SEPHS1: variants seen among roughly 807,000 people sequenced by gnomAD.
SEPHS1 encodes zincore component SEPHS1.
Under a neutral mutation model 39.2 loss-of-function variants are expected in SEPHS1, and 7 were observed. The observed-to-expected ratio is 0.18, with a 90% CI of 0.10 to 0.34. SEPHS1 has a LOEUF of 0.34. Among genes scored for constraint, SEPHS1 ranks in the 10% least tolerant of loss-of-function variants. The pLI is 1.00. For synonymous variants in SEPHS1, 190 were observed against 195.5 expected, an observed-to-expected ratio of 0.97 and a Z score of 0.23; for missense variants, 253 against 514.5, an observed-to-expected ratio of 0.49 and a Z score of 4.92.
chr10:13,323,696 C>T (rs1405770954), intron 7 of SEPHS1, among the ~76,000 whole-genome samples: 1 of 151,956 alleles, frequency 6.6e-6, no homozygotes, highest in Non-Finnish European at 1.5e-5. Context: ...TATCAAGGTA[C>T]TCCCGCGAAA....
At chr10:13,323,081 C>T (rs752711075) in intron 7 of SEPHS1, 34 bp from the exon 8 acceptor site, 1 of 1,571,782 alleles carries the variant, frequency 6.4e-7, no homozygotes, top group Non-Finnish European at 8.7e-7. Flanking sequence ...TGAGAAAAAA[C>T]ACCTTTCCTC....
At chr10:13,334,691 C>T (rs1833573517) in intron 4 of SEPHS1, among the ~76,000 whole-genome samples, 1 of 152,150 alleles carries the variant, frequency 6.6e-6, no homozygotes, top group Non-Finnish European at 1.5e-5. Context: ...CCAACCTGGG[C>T]AACACAGGGA....
At chr10:13,347,775 C>A (rs1833973158) in intron 1 of SEPHS1, among the ~76,000 whole-genome samples, 1 of 139,330 alleles carries the variant, frequency 7.2e-6, no homozygotes, top group Admixed American at 7.0e-5. Context: ...CCTTCCCCGG[C>A]CCCGCGCGGC....
intron 1 of SEPHS1, among the ~76,000 whole-genome samples, chr10:13,347,664 GGCC>G (rs767115383): frequency 7.9e-4 from 115 of 146,108 alleles, no homozygotes; most frequent in African/African-American, 2.5e-3. Context: ...CGCGCGCACG[GGCC>G]GCCGCCGCCG....
At chr10:13,331,080 C>T (rs928358137) in intron 5 of SEPHS1, among the ~76,000 whole-genome samples, 4 of 152,090 alleles carry the variant, frequency 2.6e-5, no homozygotes, top group African/African-American at 4.8e-5. Context: ...TGAGAACATG[C>T]GGCGTTTGGT....
At chr10:13,343,631 T>G (rs1043437641) in intron 2 of SEPHS1, among the ~76,000 whole-genome samples, 1 of 151,452 alleles carries the variant, frequency 6.6e-6, no homozygotes, top group Admixed American at 6.6e-5. Flanking sequence ...CTGGCCAACA[T>G]GGTAAAACTC....
intron 4 of SEPHS1, among the ~76,000 whole-genome samples, chr10:13,334,677 C>T (rs563640137): frequency 2.5e-4 from 38 of 152,298 alleles, no homozygotes; most frequent in African/African-American, 5.8e-4. Context: ...CACACCACTG[C>T]ACTCCAACCT....
intron 2 of SEPHS1, among the ~76,000 whole-genome samples, chr10:13,342,967 T>G (rs1564454002): frequency 6.6e-6 from 1 of 152,030 alleles, no homozygotes; most frequent in Non-Finnish European, 1.5e-5. Context: ...ACTCCTGACC[T>G]TGAGTGATCT....
At chr10:13,339,258 A>G (rs2130686047) in intron 2 of SEPHS1, among the ~76,000 whole-genome samples, 1 of 152,308 alleles carries the variant, frequency 6.6e-6, no homozygotes, top group Admixed American at 6.5e-5. Flanking sequence ...AACCATGTAA[A>G]ATATTTTTAC....
chr10:13,335,362 A>C (rs1833594490), intron 4 of SEPHS1, among the ~76,000 whole-genome samples: 1 of 152,148 alleles, frequency 6.6e-6, no homozygotes, highest in Non-Finnish European at 1.5e-5. Context: ...TATGGCCAAA[A>C]CTTTATTTTA....
chr10:13,347,595 A>G (rs987356140), intron 1 of SEPHS1, among the ~76,000 whole-genome samples: 1 of 146,666 alleles, frequency 6.8e-6, no homozygotes, highest in Admixed American at 6.7e-5. Flanking sequence ...CCGCGCGGAG[A>G]AAAGGGGAGG....
At chr10:13,330,438 C>G (rs936091074) in intron 5 of SEPHS1, among the ~76,000 whole-genome samples, 3 of 152,128 alleles carry the variant, frequency 2.0e-5, no homozygotes, top group African/African-American at 7.2e-5. Context: ...TGGTCCCTGT[C>G]TTAGAGACAG....
intron 8 of SEPHS1, among the ~76,000 whole-genome samples, chr10:13,320,734 A>G (rs1261291022): frequency 6.6e-6 from 1 of 152,048 alleles, no homozygotes; most frequent in Non-Finnish European, 1.5e-5. Flanking sequence ...GGGCTGAGGC[A>G]AGAGAATCGC....
chr10:13,324,560 G>A (rs1163788961), intron 7 of SEPHS1, among the ~76,000 whole-genome samples: 2 of 152,226 alleles, frequency 1.3e-5, no homozygotes, highest in Non-Finnish European at 2.9e-5. Flanking sequence ...AGTAATAAAT[G>A]AGAGTTCCTT....
At chr10:13,344,715 C>T (rs1415117475) in intron 2 of SEPHS1, 43 bp downstream of exon 2, 10 of 1,328,200 alleles carry the variant, frequency 7.5e-6, no homozygotes, top group Middle Eastern at 2.0e-4. Flanking sequence ...TTTTGACTCA[C>T]TGATTGGATC....
chr10:13,333,386 G>A (rs1833525898), intron 5 of SEPHS1, among the ~76,000 whole-genome samples: 1 of 151,504 alleles, frequency 6.6e-6, no homozygotes, highest in African/African-American at 2.4e-5. Context: ...ACCCGCCTTG[G>A]CCTCCAAAAG....
At chr10:13,342,649 G>C (rs1341944813) in intron 2 of SEPHS1, among the ~76,000 whole-genome samples, 1 of 152,128 alleles carries the variant, frequency 6.6e-6, no homozygotes, top group Non-Finnish European at 1.5e-5. Context: ...TGTGTACAGA[G>C]GGTATACACA....
At chr10:13,333,710 G>T in intron 5 of SEPHS1, 107 bp downstream of exon 5, 1 of 1,169,040 alleles carries the variant, frequency 8.6e-7, no homozygotes, top group Admixed American at 2.3e-5. Flanking sequence ...CAAAGTCTGG[G>T]ATCATATGTG....
chr10:13,322,807 G>A, intron 8 of SEPHS1, 28 bp downstream of exon 8: 10 of 1,601,970 alleles, frequency 6.2e-6, no homozygotes, highest in Non-Finnish European at 8.5e-6. Flanking sequence ...TCACTATTTA[G>A]TCCTCAGATG....
Sources: gnomAD v4.1 joint callset for allele counts (sites outside exome capture counted in the v4.1 genomes callset) on GRCh38, gnomAD v4.1.1 for gene constraint, MANE v1.5 for transcripts, NCBI Gene and HGNC (gene_info 2026-07-23, HGNC 2026-07-21) for gene names.